Variants in PPM1L observed in about 807,000 individuals in gnomAD.
The protein encoded by PPM1L is protein phosphatase, Mg2+/Mn2+ dependent 1L.
In PPM1L, 13 loss-of-function variants were observed where a neutral mutation model predicts 31.4. The observed-to-expected ratio is 0.41, with a 90% CI of 0.27 to 0.66. The LOEUF is 0.66. Ranked by LOEUF, PPM1L falls within the 30% of genes least tolerant of loss-of-function variation. The pLI is 0.29. For missense variants in PPM1L, 326 were observed against 453.7 expected (o/e 0.72, Z 2.56); for synonymous variants, 184 against 175.4 (o/e 1.05, Z -0.39).
chr3:160,948,129 A>T (rs1715467651), intron 1 of PPM1L, among the ~76,000 whole-genome samples: 1 of 152,176 alleles, frequency 6.6e-6, no homozygotes, highest in Non-Finnish European at 1.5e-5. Context: ...CTAGCTTATG[A>T]CTGTGACTGC....
intron 1 of PPM1L, among the ~76,000 whole-genome samples, chr3:160,759,589 A>G (rs1354110039): frequency 6.6e-6 from 1 of 152,180 alleles, no homozygotes; most frequent in African/African-American, 2.4e-5. Context: ...ACAAGGGTGA[A>G]TGAAATATAA....
chr3:161,022,907 G>A (rs572427862), intron 2 of PPM1L, among the ~76,000 whole-genome samples: 14 of 151,964 alleles, frequency 9.2e-5, no homozygotes, highest in Non-Finnish European at 1.8e-4. Context: ...CTCATGATCC[G>A]CCTGCCTTGG....
intron 1 of PPM1L, among the ~76,000 whole-genome samples, chr3:160,797,277 T>G (rs1467830893): frequency 6.6e-6 from 1 of 152,156 alleles, no homozygotes; most frequent in African/African-American, 2.4e-5. Context: ...ATTGTTATTG[T>G]TTTGGGGCAC....
chr3:160,803,949 G>A (rs566780953), intron 1 of PPM1L, among the ~76,000 whole-genome samples: 8 of 152,046 alleles, frequency 5.3e-5, no homozygotes, highest in Admixed American at 2.6e-4. Context: ...ACGGAGTCTC[G>A]CTCTGTCGCC....
At chr3:160,784,788 T>C (rs1352164959) in intron 1 of PPM1L, among the ~76,000 whole-genome samples, 1 of 152,180 alleles carries the variant, frequency 6.6e-6, no homozygotes, top group African/African-American at 2.4e-5. Context: ...TATCAATCAG[T>C]GGTCAGTTGG....
At chr3:160,906,602 T>TAAAGAAAAGA (rs746931085) in intron 1 of PPM1L, among the ~76,000 whole-genome samples, 3,679 of 97,962 alleles carry the variant, frequency 0.038, 71 homozygotes, top group Middle Eastern at 0.044. Flanking sequence ...CTCTGTCTCA[T>TAAAGAAAAGA]AAAGAAAAGA....
At position 160,851,963 on chromosome 3, in the gene PPM1L, T is replaced by C. The variant is rs371431458; in HGVS notation, c.399+95256T>C. ...CTGTCGATTTTTTCCCCTCAAAGAG[T>C]AGATAATTAGAACTTTGATGAAGAA... On this transcript the variant is annotated intron_variant, in intron 1 of 3. Coordinates refer to ENST00000498165, the MANE Select transcript of PPM1L (RefSeq NM_139245.4). Among the ~76,000 whole-genome samples, 16 of 152,260 alleles carry C rather than the reference T, an allele frequency of 1.1e-4. No homozygotes were observed. The South Asian group carries it at 2.1e-3, about 20-fold the overall frequency.
At chr3:160,945,043 T>TATAAC (rs1715350238) in intron 1 of PPM1L, among the ~76,000 whole-genome samples, 1 of 5,838 alleles carries the variant, frequency 1.7e-4, no homozygotes, top group African/African-American at 4.0e-4. Flanking sequence ...ATATAACATA[T>TATAAC]ATATTATATA....
At chr3:160,922,183 A>T (rs565208190) in intron 1 of PPM1L, among the ~76,000 whole-genome samples, 1 of 152,018 alleles carries the variant, frequency 6.6e-6, no homozygotes, top group African/African-American at 2.4e-5. Flanking sequence ...GGTGGCAGGC[A>T]CCTGTAGTCC....
In PPM1L at chr3:161,076,040, T is replaced by G. The variant is rs1720086217; in HGVS notation, c.*6883T>G. ...AAATGCCAACATGAATACTAGTGAG[T>G]ACTCAATTTACGACAGACAATTTCA... On this transcript the variant is annotated 3_prime_UTR_variant, in exon 4 of 4. Transcript: ENST00000498165. 6.6e-6 allele frequency: 1 copy of G among 152,154 alleles called. No individual in the cohort carries two copies. Among genetic ancestry groups the G allele is most frequent in the Non-Finnish European group, 1.5e-5 (1 of 68,036 alleles). 9.4% of individuals were successfully genotyped at this position (152,154 alleles called of 1,614,324 possible).
intron 1 of PPM1L, among the ~76,000 whole-genome samples, chr3:160,769,491 T>C (rs1715192162): frequency 6.6e-6 from 1 of 152,162 alleles, no homozygotes; most frequent in Admixed American, 6.5e-5. Context: ...AAACTACTAG[T>C]AGGTGTTAGG....
intron 1 of PPM1L, among the ~76,000 whole-genome samples, chr3:160,805,031 C>T (rs978405791): frequency 6.6e-6 from 1 of 152,188 alleles, no homozygotes; most frequent in Admixed American, 6.5e-5. Context: ...TCTCCACCTC[C>T]TGCTGTCAGG....
chr3:160,856,806 A>G (rs1711720529), intron 1 of PPM1L, among the ~76,000 whole-genome samples: 1 of 151,876 alleles, frequency 6.6e-6, no homozygotes, highest in Non-Finnish European at 1.5e-5. Context: ...ACTACAATAA[A>G]AGCTAAAAAA....
At position 160,959,689 on chromosome 3, in the gene PPM1L, C is replaced by T. The variant is rs372281996; in HGVS notation, c.400-2047C>T. ...TACTAATAATACAAAAAAAATTAGC[C>T]GGGCATGGTGGCAGGCACTTGTAGT... On this transcript the variant is annotated intron_variant, in intron 1 of 3. Coordinates refer to ENST00000498165, the MANE Select transcript of PPM1L (RefSeq NM_139245.4). 1.1e-4 allele frequency among the ~76,000 whole-genome samples: 17 copies of T among 151,908 alleles called. No homozygotes were observed. In the East Asian group the frequency reaches 1.7e-3, roughly 16 times the overall value.
intron 2 of PPM1L, among the ~76,000 whole-genome samples, chr3:161,007,956 A>G (rs1329940627): frequency 6.6e-6 from 1 of 152,158 alleles, no homozygotes; most frequent in African/African-American, 2.4e-5. Context: ...GGGCTCAAAA[A>G]TGATACCCCA....
At chr3:160,792,959 G>T (rs1712145329) in intron 1 of PPM1L, among the ~76,000 whole-genome samples, 1 of 152,192 alleles carries the variant, frequency 6.6e-6, no homozygotes, top group South Asian at 2.1e-4. Context: ...ATTTGGGGTT[G>T]TGTGATGTTT....
intron 2 of PPM1L, among the ~76,000 whole-genome samples, chr3:160,964,834 G>A (rs927831557): frequency 2.0e-5 from 3 of 151,952 alleles, no homozygotes; most frequent in African/African-American, 7.2e-5. Flanking sequence ...AAAACCAAAA[G>A]TTACTACCTC....
At chr3:160,967,518 G>A (rs1190592871) in intron 2 of PPM1L, among the ~76,000 whole-genome samples, 1 of 151,784 alleles carries the variant, frequency 6.6e-6, no homozygotes, top group Admixed American at 6.6e-5. Context: ...GATTTATCTG[G>A]GGCCTCTTTT....
intron 1 of PPM1L, among the ~76,000 whole-genome samples, chr3:160,835,149 CTTTTTTTTTT>C (rs374361985): frequency 2.0e-5 from 1 of 50,670 alleles, no homozygotes; most frequent in East Asian, 4.9e-4. Flanking sequence ...CTTTTTCTTC[CTTTTTTTTTT>C]TTTTTTTTTT....
Sources: gnomAD v4.1 joint callset for allele counts (sites outside exome capture counted in the v4.1 genomes callset) on GRCh38, gnomAD v4.1.1 for gene constraint, MANE v1.5 for transcripts, NCBI Gene and HGNC (gene_info 2026-07-23, HGNC 2026-07-21) for gene names.